The following EGFR variants were observed in gnomAD, a reference collection of about 807,000 sequenced individuals.
The protein encoded by EGFR is epidermal growth factor receptor.
EGFR carries 58 observed loss-of-function variants against 143.0 expected under a neutral mutation model. The observed-to-expected ratio is 0.41, with a 90% CI of 0.33 to 0.50. The LOEUF (loss-of-function observed/expected upper bound fraction) is 0.50, where lower values mean the gene tolerates loss of function less well. Ranked by LOEUF, EGFR falls within the 20% of genes least tolerant of loss-of-function variation. The probability of loss-of-function intolerance (pLI) is 0.39; values close to 1 mark genes in which losing one functional copy is unlikely to be tolerated. For synonymous variants in EGFR, 613 were observed against 594.4 expected (o/e 1.03, Z -0.45); for missense variants, 1,307 against 1,579.0 (o/e 0.83, Z 2.92).
At chr7:55,076,951 C>T (rs1403474067) in intron 1 of EGFR, among the ~76,000 whole-genome samples, 2 of 151,750 alleles carry the variant, frequency 1.3e-5, no homozygotes, top group Non-Finnish European at 2.9e-5. Flanking sequence ...CCTAAGCCAT[C>T]CTCTGCTTGG....
chr7:55,091,688 C>T (rs925182271), intron 1 of EGFR, among the ~76,000 whole-genome samples: 7 of 152,124 alleles, frequency 4.6e-5, no homozygotes, highest in African/African-American at 1.4e-4. Context: ...AGTGGCAAGC[C>T]GGGCCCAGGA....
intron 1 of EGFR, among the ~76,000 whole-genome samples, chr7:55,048,342 C>G (rs1788298217): frequency 6.6e-6 from 1 of 152,168 alleles, no homozygotes; most frequent in Non-Finnish European, 1.5e-5. Flanking sequence ...CTGATTCTTA[C>G]AGAGTTACAA....
chr7:55,163,695 CA>C (rs766105111), intron 13 of EGFR, 37 bp from the exon 14 acceptor site: 64 of 1,569,854 alleles, frequency 4.1e-5, no homozygotes, highest in Non-Finnish European at 5.3e-5. Flanking sequence ...AATAATGTCT[CA>C]GGGGTGGGCT....
intron 20 of EGFR, among the ~76,000 whole-genome samples, chr7:55,185,753 G>T (rs772541346): frequency 1.3e-5 from 2 of 152,154 alleles, no homozygotes; most frequent in African/African-American, 2.4e-5. Flanking sequence ...GGTGGGGCAG[G>T]GTTCTCAGAA....
chr7:55,090,410 G>A (rs1166751863), intron 1 of EGFR, among the ~76,000 whole-genome samples: 1 of 152,172 alleles, frequency 6.6e-6, no homozygotes, highest in African/African-American at 2.4e-5. Context: ...CTGACCTCGG[G>A]CCCCTTCCCA....
intron 1 of EGFR, among the ~76,000 whole-genome samples, chr7:55,054,423 C>T (rs571709477): frequency 6.6e-6 from 1 of 152,334 alleles, no homozygotes; most frequent in Non-Finnish European, 1.5e-5. Flanking sequence ...TTTGTTCAGA[C>T]AGGAGTGGGG....
intron 24 of EGFR, chr7:55,200,838 T>C (rs916949486): frequency 1.9e-5 from 9 of 477,878 alleles, no homozygotes; most frequent in Non-Finnish European, 3.4e-5. Flanking sequence ...CTCACAGGAT[T>C]GTCTCAAAGA....
rs2128937289 is a variant in EGFR at position 55,155,817 on chromosome 7, C to T, written c.890-13C>T. ...CCACCGTCATCACCTTCCTTTCATGCTCTCTTCCCCAGGTAATTATGTGGT... is the reference window on the plus strand; with the variant it reads ...CCACCGTCATCACCTTCCTTTCATGTTCTCTTCCCCAGGTAATTATGTGGT... On this transcript the variant is annotated splice_polypyrimidine_tract_variant and intron_variant, in intron 7 of 27. Transcript: ENST00000275493. The T allele has an allele frequency of 6.2e-7, 1 of 1,611,534 alleles. No homozygotes were observed.
chr7:55,183,780 C>G, intron 20 of EGFR, among the ~76,000 whole-genome samples: 1 of 152,208 alleles, frequency 6.6e-6, no homozygotes, highest in Middle Eastern at 3.2e-3. Context: ...GCCTACCTGT[C>G]CCAACCGGGA....
intron 1 of EGFR, among the ~76,000 whole-genome samples, chr7:55,094,671 T>C (rs965214046): frequency 3.9e-5 from 6 of 152,230 alleles, no homozygotes; most frequent in African/African-American, 1.4e-4. Flanking sequence ...CTCCAAGACT[T>C]TGCATTTACA....
At chr7:55,060,028 G>A (rs917588708) in intron 1 of EGFR, among the ~76,000 whole-genome samples, 2 of 152,184 alleles carry the variant, frequency 1.3e-5, no homozygotes, top group African/African-American at 4.8e-5. Context: ...AGCCACCAGC[G>A]GGCACAGAGC....
At chr7:55,164,537 T>C (rs566967379) in intron 14 of EGFR, among the ~76,000 whole-genome samples, 2 of 152,332 alleles carry the variant, frequency 1.3e-5, no homozygotes, top group South Asian at 4.1e-4. Context: ...GTTTGCATGG[T>C]GTTGGGTTAA....
At chr7:55,191,034 G>C (rs760419787) in intron 20 of EGFR, among the ~76,000 whole-genome samples, 2 of 152,146 alleles carry the variant, frequency 1.3e-5, no homozygotes, top group Non-Finnish European at 2.9e-5. Flanking sequence ...AGCATTTCTA[G>C]GAATTCACTC....
intron 15 of EGFR, among the ~76,000 whole-genome samples, chr7:55,167,165 G>T (rs536025907): frequency 7.1e-6 from 1 of 141,436 alleles, no homozygotes; most frequent in South Asian, 2.7e-4. Flanking sequence ...TCACAATGGT[G>T]GTGGTGATGA....
At position 55,159,564 on chromosome 7, in the gene EGFR, G is replaced by T. The variant is rs17336744; in HGVS notation, c.1299-575G>T. On this transcript the variant is annotated intron_variant, in intron 11 of 27. Transcript: ENST00000275493. ...TTCCCAGGCATCCCTCCCAGACCTG[G>T]TCAGAGGCCCCTGCTCTTTGCTTCC... Among the ~76,000 whole-genome samples the T allele has an allele frequency of 6.3e-3, 963 of 152,270 alleles. 15 individuals carry two copies. Among genetic ancestry groups the T allele is most frequent in the African/African-American group, 0.022 (909 of 41,550 alleles).
intron 1 of EGFR, among the ~76,000 whole-genome samples, chr7:55,120,930 A>T (rs1793162964): frequency 6.6e-6 from 1 of 152,136 alleles, no homozygotes; most frequent in African/African-American, 2.4e-5. Flanking sequence ...AGATTAGATA[A>T]CTGTTTTCCG....
intron 1 of EGFR, among the ~76,000 whole-genome samples, chr7:55,138,920 T>G (rs1162727654): frequency 6.6e-6 from 1 of 152,200 alleles, no homozygotes; most frequent in African/African-American, 2.4e-5. Context: ...CAAGAGAGCA[T>G]GCATGTGAGG....
intron 1 of EGFR, among the ~76,000 whole-genome samples, chr7:55,121,518 C>T (rs1348805389): frequency 6.6e-6 from 1 of 152,190 alleles, no homozygotes; most frequent in Non-Finnish European, 1.5e-5. Flanking sequence ...TGTCATTTGT[C>T]CTAGTAGCCA....
intron 1 of EGFR, among the ~76,000 whole-genome samples, chr7:55,109,020 A>G (rs1181883088): frequency 1.3e-5 from 2 of 152,194 alleles, no homozygotes; most frequent in Non-Finnish European, 2.9e-5. Context: ...GCTCAGTGAG[A>G]CTGCAATAGA....
Sources: allele counts gnomAD v4.1 joint callset (sites outside exome capture counted in the v4.1 genomes callset), GRCh38; gene constraint gnomAD v4.1.1; transcripts MANE v1.5; gene names NCBI Gene and HGNC (gene_info 2026-07-23, HGNC 2026-07-21).